The following PCDHGB5 variants were observed in gnomAD, a reference collection of about 807,000 sequenced individuals.
PCDHGB5 encodes the protein protocadherin gamma subfamily B, 5.
A neutral mutation model predicts 62.9 loss-of-function variants in PCDHGB5; 48 were observed. That is an observed-to-expected ratio of 0.76 (90% CI 0.61 to 0.97). The LOEUF (loss-of-function observed/expected upper bound fraction) is 0.97. Among genes scored for constraint, PCDHGB5 ranks in the 50% least tolerant of loss-of-function variants. The pLI, the probability that PCDHGB5 is intolerant of heterozygous loss-of-function variation, is 0.00. For missense variants in PCDHGB5, 1,118 were observed against 1,198.6 expected (o/e 0.93, Z 0.99); for synonymous variants, 474 against 511.2 (o/e 0.93, Z 0.98).
At position 141,486,250 on chromosome 5, in the gene PCDHGB5, C is replaced by T; in HGVS notation, c.2398-8557C>T. 1 of 1,614,140 alleles carries T rather than the reference C, an allele frequency of 6.2e-7. No homozygotes were observed. The highest frequency in any genetic ancestry group is 2.2e-5 in the East Asian group (1 of 44,872). On this transcript the variant is annotated intron_variant, in intron 1 of 3. Coordinates refer to ENST00000617380, the MANE Select transcript of PCDHGB5 (RefSeq NM_018925.3). The surrounding 1 kb of genome is among the most constrained non-coding windows in gnomAD (Gnocchi z 5.0). ...CAGTGACCTCAGAGCTTGGAACCCT[C>T]CCCGAGAGTGCAGAACCTGGCACTG...
intron 1 of PCDHGB5, among the ~76,000 whole-genome samples, chr5:141,465,409 A>G (rs1037916815): frequency 3.3e-5 from 5 of 152,188 alleles, no homozygotes; most frequent in African/African-American, 4.8e-5. Flanking sequence ...AAGAAGCCAA[A>G]TCAGCACTGA....
chr5:141,490,497 C>T lies in PCDHGB5; in HGVS notation c.2398-4310C>T. 8 of 1,614,196 alleles carry T rather than the reference C, an allele frequency of 5.0e-6. No individual in the cohort carries two copies. Among genetic ancestry groups the T allele is most frequent in the Non-Finnish European group, 6.8e-6 (8 of 1,180,038 alleles). ...CTTTGGACCGGGAGGCCACATCCCACTATATCATCGAGCTGCTGGCCAGCG... is the reference window on the plus strand; with the variant it reads ...CTTTGGACCGGGAGGCCACATCCCATTATATCATCGAGCTGCTGGCCAGCG... On this transcript the variant is annotated intron_variant, in intron 1 of 3. Transcript: ENST00000617380. The surrounding 1 kb of genome is among the most constrained non-coding windows in gnomAD (Gnocchi z 5.4).
intron 1 of PCDHGB5, chr5:141,416,753 G>A (rs1168212796): frequency 1.3e-5 from 2 of 152,154 alleles, no homozygotes; most frequent in Non-Finnish European, 2.9e-5. Context: ...GACGTATTAG[G>A]TAGATCTCTT....
intron 1 of PCDHGB5, chr5:141,403,427 G>T: frequency 6.2e-7 from 1 of 1,614,026 alleles, no homozygotes; most frequent in Non-Finnish European, 8.5e-7. Context: ...AGAAGCTATT[G>T]ATCCGGATGT....
chr5:141,475,721 G>A (rs867365261), intron 1 of PCDHGB5, among the ~76,000 whole-genome samples: 1 of 152,248 alleles, frequency 6.6e-6, no homozygotes. Context: ...ACAGCCCCAA[G>A]GCTGGCTTTC....
chr5:141,495,833 G>A (rs559689667), intron 2 of PCDHGB5, among the ~76,000 whole-genome samples: 3 of 151,876 alleles, frequency 2.0e-5, no homozygotes, highest in African/African-American at 4.8e-5. Context: ...TCTATCCCCA[G>A]CCTCTATGTT....
In PCDHGB5 at chr5:141,399,831, TG is replaced by T. The variant is rs1368149251; in HGVS notation, c.1705del (p.Ala569ArgfsTer16). On this transcript the variant is annotated frameshift_variant, in exon 1 of 4. Transcript: ENST00000617380. LOFTEE classifies it high-confidence loss of function. ...LYPALGPDGS[A>X]LFDMVPRAAE... Reference sequence around the variant, plus strand: ...ACCCCGCGCTGGGTCCCGACGGCTCTGCGCTCTTCGATATGGTGCCGCGCGC... The same window carrying T: ...ACCCCGCGCTGGGTCCCGACGGCTCTCGCTCTTCGATATGGTGCCGCGCGC... 1 of 1,613,172 alleles carries T rather than the reference TG, an allele frequency of 6.2e-7. No individual in the cohort carries two copies. The highest frequency in any genetic ancestry group is 1.1e-5 in the South Asian group (1 of 91,074).
chr5:141,402,880 A>G (rs886365174), intron 1 of PCDHGB5: 2 of 1,474,944 alleles, frequency 1.4e-6, no homozygotes, highest in Non-Finnish European at 1.8e-6. Flanking sequence ...CATACTTTGC[A>G]GGGTGGAAGA....
Position 141,456,470 on chromosome 5 carries a change from A to G in PCDHGB5, c.2398-38337A>G, listed in dbSNP as rs573210902. Among the ~76,000 whole-genome samples, 4 of 152,272 alleles carry G rather than the reference A, an allele frequency of 2.6e-5. No homozygotes were observed. In the East Asian group the frequency reaches 7.7e-4, roughly 29 times the overall value. On this transcript the variant is annotated intron_variant, in intron 1 of 3. Coordinates refer to ENST00000617380, the MANE Select transcript of PCDHGB5 (RefSeq NM_018925.3). ...GTCCAAATATCAATACAAGACATAT[A>G]AGCAAGAGAGTGCTTAATAAAGGGG...
At chr5:141,499,287 C>T (rs896428388) in intron 2 of PCDHGB5, among the ~76,000 whole-genome samples, 3 of 152,184 alleles carry the variant, frequency 2.0e-5, no homozygotes, top group Non-Finnish European at 2.9e-5. Context: ...CTGATGGCTC[C>T]ACACTACCAT....
At position 141,487,855 on chromosome 5, in the gene PCDHGB5, A is replaced by T; in HGVS notation, c.2398-6952A>T. 1 of 974,210 alleles carries T rather than the reference A, an allele frequency of 1.0e-6. No homozygotes were observed. 60.3% of individuals were successfully genotyped at this position (974,210 alleles called of 1,614,324 possible). A position where few individuals can be genotyped will look rare whatever the true frequency, so the allele number is the denominator to read the frequency against. On this transcript the variant is annotated intron_variant, in intron 1 of 3. Coordinates refer to ENST00000617380, the MANE Select transcript of PCDHGB5 (RefSeq NM_018925.3). This position sits in a 1 kb window ranked among gnomAD's most constrained non-coding sequence, Gnocchi z 5.0. Reference sequence around the variant, plus strand: ...TATATCTGAGTAAGAAATGAAAGTAATTGGTGATCAAGAGCCAGGCTGTTG... The same window carrying T: ...TATATCTGAGTAAGAAATGAAAGTATTTGGTGATCAAGAGCCAGGCTGTTG...
At chr5:141,451,640 G>A (rs2098720679) in intron 1 of PCDHGB5, among the ~76,000 whole-genome samples, 1 of 152,166 alleles carries the variant, frequency 6.6e-6, no homozygotes, top group South Asian at 2.1e-4. Context: ...CCAGCACTCT[G>A]AGAGGCCAAG....
At position 141,490,852 on chromosome 5, in the gene PCDHGB5, G is replaced by A. The variant is rs759198428; in HGVS notation, c.2398-3955G>A. 2 of 1,613,896 alleles carry A rather than the reference G, an allele frequency of 1.2e-6. No individual in the cohort carries two copies. Among genetic ancestry groups the A allele is most frequent in the Non-Finnish European group, 1.7e-6 (2 of 1,179,928 alleles). ...GCTGCAGATTGTGGTGGGGGTTCGA[G>A]ACTCCGGCTCTCCCCCATTGCATGC... On this transcript the variant is annotated intron_variant, in intron 1 of 3. Transcript: ENST00000617380. The surrounding 1 kb of genome is among the most constrained non-coding windows in gnomAD (Gnocchi z 5.4).
At chr5:141,403,317 A>G (rs576274199) in intron 1 of PCDHGB5, 2 of 1,613,974 alleles carry the variant, frequency 1.2e-6, no homozygotes, top group South Asian at 2.2e-5. Flanking sequence ...ATAGAAATAG[A>G]AGTAACTGAT....
intron 1 of PCDHGB5, among the ~76,000 whole-genome samples, chr5:141,447,413 C>T (rs1279399546): frequency 6.6e-6 from 1 of 152,204 alleles, no homozygotes; most frequent in Non-Finnish European, 1.5e-5. Flanking sequence ...GCTGGGATTA[C>T]AGGCGTGAGC....
Position 141,476,301 on chromosome 5 carries a change from C to T in PCDHGB5, c.2398-18506C>T. On this transcript the variant is annotated intron_variant, in intron 1 of 3. Transcript: ENST00000617380. The surrounding 1 kb of genome is among the most constrained non-coding windows in gnomAD (Gnocchi z 7.6). ...CTTGGTTTGGATCTCGGTAGCCTCT[C>T]AGCCCGCAGGTTCCGGGTGGTGTCT... is the stretch of plus-strand genomic sequence containing the variant. The T allele has an allele frequency of 1.9e-6, 3 of 1,613,778 alleles. No homozygotes were observed. The highest frequency in any genetic ancestry group is 2.5e-6 in the Non-Finnish European group (3 of 1,179,908).
intron 1 of PCDHGB5, chr5:141,403,105 C>G (rs1226095779): frequency 6.2e-7 from 1 of 1,614,056 alleles, no homozygotes; most frequent in East Asian, 2.2e-5. Context: ...TCTCCAAGGA[C>G]CTGGCTCTGG....
intron 1 of PCDHGB5, chr5:141,423,881 G>A (rs2096788712): frequency 7.8e-7 from 1 of 1,281,784 alleles, no homozygotes; most frequent in Non-Finnish European, 9.9e-7. Flanking sequence ...TTCAATCTTG[G>A]CATATTTTCT....
rs1472806327 is a variant in PCDHGB5 at position 141,447,891 on chromosome 5, G to C, written c.2398-46916G>C. Among the ~76,000 whole-genome samples the C allele has an allele frequency of 1.3e-5, 2 of 152,080 alleles. 1 individual carries two copies. Among genetic ancestry groups the C allele is most frequent in the African/African-American group, 4.8e-5 (2 of 41,408 alleles). On this transcript the variant is annotated intron_variant, in intron 1 of 3. Coordinates refer to ENST00000617380, the MANE Select transcript of PCDHGB5 (RefSeq NM_018925.3). Reference sequence around the variant, plus strand: ...ATCTGAGGTCAGGAGTTCGAGACCAGCCTGGCCAACATGGTGAAACTCTGT... The same window carrying C: ...ATCTGAGGTCAGGAGTTCGAGACCACCCTGGCCAACATGGTGAAACTCTGT...
Sources: gnomAD v4.1 joint callset for allele counts (sites outside exome capture counted in the v4.1 genomes callset) on GRCh38, gnomAD v4.1.1 for gene constraint, Gnocchi (gnomAD v3.1) non-coding constraint, MANE v1.5 for transcripts, NCBI Gene and HGNC (gene_info 2026-07-23, HGNC 2026-07-21) for gene names.